KANK1: variants seen among roughly 807,000 people sequenced by gnomAD.
KANK1 encodes the protein KN motif and ankyrin repeat domains 1, also known as KN motif and ankyrin repeat domain-containing protein 1.
A neutral mutation model predicts 106.2 loss-of-function variants in KANK1; 109 were observed. The ratio of observed to expected loss-of-function variants is 1.03; its 90% CI spans 0.88 to 1.20. The LOEUF (loss-of-function observed/expected upper bound fraction) is 1.20. Ranked by LOEUF, KANK1 falls within the 50% of genes most tolerant of loss-of-function variation. The pLI, the probability that KANK1 is intolerant of heterozygous loss-of-function variation, is 0.00. For synonymous variants in KANK1, 873 were observed against 652.2 expected (o/e 1.34, Z -5.16); for missense variants, 2,399 against 1,710.7 (o/e 1.40, Z -7.10).
chr9:540,184 C>A (rs929368769), intron 1 of KANK1, among the ~76,000 whole-genome samples: 2 of 152,148 alleles, frequency 1.3e-5, no homozygotes, highest in Admixed American at 1.3e-4. Context: ...CGTATGTGGC[C>A]TTTATTATGT....
At chr9:701,096 T>C (rs1402992517) in intron 2 of KANK1, among the ~76,000 whole-genome samples, 4 of 152,082 alleles carry the variant, frequency 2.6e-5, no homozygotes, top group Non-Finnish European at 5.9e-5. Flanking sequence ...TTGGCCCCAA[T>C]AGGAAATGAA....
intron 1 of KANK1, among the ~76,000 whole-genome samples, chr9:644,709 C>T (rs775307286): frequency 1.3e-5 from 2 of 150,954 alleles, no homozygotes; most frequent in African/African-American, 2.5e-5. Flanking sequence ...CTTCAACACT[C>T]GGGATTACTG....
chr9:475,025 G>A (rs1394870966), intron 3 of KANK1, among the ~76,000 whole-genome samples: 4 of 152,100 alleles, frequency 2.6e-5, no homozygotes, highest in South Asian at 2.1e-4. Context: ...TTGTTACACC[G>A]TCTCTCTCAA....
intron 2 of KANK1, among the ~76,000 whole-genome samples, chr9:702,197 T>C (rs910600554): frequency 6.8e-6 from 1 of 147,426 alleles, no homozygotes; most frequent in African/African-American, 2.5e-5. Flanking sequence ...GGAAATGGAC[T>C]CTGTGACCCT....
intron 1 of KANK1, among the ~76,000 whole-genome samples, chr9:654,755 G>GT (rs1841720020): frequency 6.6e-6 from 1 of 151,990 alleles, no homozygotes; most frequent in African/African-American, 2.4e-5. Flanking sequence ...ATTTCCTCAA[G>GT]TTTTACTGAG....
chr9:558,809 C>T (rs151023980), intron 1 of KANK1: 1 of 152,112 alleles, frequency 6.6e-6, no homozygotes, highest in East Asian at 1.9e-4. Context: ...TGTGGAGTGA[C>T]TCAAATATTT....
intron 1 of KANK1, among the ~76,000 whole-genome samples, chr9:506,447 G>A (rs2058758281): frequency 6.6e-6 from 1 of 152,158 alleles, no homozygotes; most frequent in South Asian, 2.1e-4. Context: ...TTAGGGCACA[G>A]GGATGCTTTC....
chr9:660,855 G>A (rs146855218), intron 1 of KANK1, among the ~76,000 whole-genome samples: 15 of 152,330 alleles, frequency 9.8e-5, no homozygotes, highest in African/African-American at 3.4e-4. Context: ...CAATAGCGAG[G>A]TGATAGGACA....
Position 651,997 on chromosome 9 carries a change from G to T in KANK1, c.-83-24893G>T, listed in dbSNP as rs796887563. ...TGTTCAAAGCAATAAATTTAGGAAT[G>T]GAATCTAGTTTCATTAGCCCTGCTA... On this transcript the variant is annotated intron_variant, in intron 1 of 11. Coordinates refer to ENST00000382297, the MANE Select transcript of KANK1 (RefSeq NM_015158.5). 4.6e-5 allele frequency among the ~76,000 whole-genome samples: 7 copies of T among 152,242 alleles called. 1 individual carries two copies. Among genetic ancestry groups the T allele is most frequent in the African/African-American group, 1.7e-4 (7 of 41,542 alleles).
At chr9:520,771 G>C (rs1314686605) in intron 1 of KANK1, among the ~76,000 whole-genome samples, 2 of 151,702 alleles carry the variant, frequency 1.3e-5, no homozygotes, top group African/African-American at 4.9e-5. Context: ...TTATGAATTG[G>C]AGAGCTGTAC....
At chr9:647,707 G>C (rs1839989719) in intron 1 of KANK1, among the ~76,000 whole-genome samples, 1 of 150,764 alleles carries the variant, frequency 6.6e-6, no homozygotes, top group Non-Finnish European at 1.5e-5. Context: ...GATGTCCTGA[G>C]CTATTTTTTA....
At chr9:738,947 G>A (rs1282344058) in intron 8 of KANK1, among the ~76,000 whole-genome samples, 1 of 152,224 alleles carries the variant, frequency 6.6e-6, no homozygotes, top group Non-Finnish European at 1.5e-5. Flanking sequence ...TTGCAGAAGT[G>A]TGTGGTTAGT....
chr9:668,648 C>T (rs976873388), intron 1 of KANK1, among the ~76,000 whole-genome samples: 21 of 151,954 alleles, frequency 1.4e-4, no homozygotes, highest in Non-Finnish European at 4.4e-5. Flanking sequence ...TAGGTTTTTA[C>T]ATTGTGGTTA....
At position 738,295 on chromosome 9, in the gene KANK1, T is replaced by G; in HGVS notation, c.3344T>G (p.Leu1115Arg). 6.2e-7 allele frequency: 1 copy of G among 1,612,482 alleles called. No homozygotes were observed. Among genetic ancestry groups the G allele is most frequent in the Non-Finnish European group, 8.5e-7 (1 of 1,179,304 alleles). Residue 1115 changes from leucine to arginine, a missense_variant, in exon 8 of 12, where the codon CTG becomes CGG. By Grantham distance (102) the Leu-to-Arg change is moderately radical. Transcript: ENST00000382297. ...TTGGTGTTTTGGCAGAGGTTCTGTC[T>G]GAACACCCTCCAGCACGAGTGGTTC... ...ALTSKDMRFC[L>R]NTLQHEWFRV...
chr9:555,935 G>A lies in KANK1; in HGVS notation c.-84+51181G>A, dbSNP rs538162109. 2.6e-5 allele frequency among the ~76,000 whole-genome samples: 4 copies of A among 152,250 alleles called. No homozygotes were observed. In the South Asian group the frequency reaches 8.3e-4, roughly 32 times the overall value. ...TGTTATAATAACATCATTAACTTGT[G>A]TAGACAAACATCAGTGCTCACATTT... On this transcript the variant is annotated intron_variant, in intron 1 of 11. Coordinates refer to ENST00000382297, the MANE Select transcript of KANK1 (RefSeq NM_015158.5).
At chr9:613,976 T>C (rs570085847) in intron 1 of KANK1, among the ~76,000 whole-genome samples, 2 of 152,192 alleles carry the variant, frequency 1.3e-5, no homozygotes, top group African/African-American at 2.4e-5. Context: ...CCTCCCCTCT[T>C]ATTTGAGGCC....
At chr9:607,912 A>G (rs1008779521) in intron 1 of KANK1, among the ~76,000 whole-genome samples, 1 of 151,120 alleles carries the variant, frequency 6.6e-6, no homozygotes, top group Non-Finnish European at 1.5e-5. Context: ...GTTGTATTGT[A>G]ATGTTCATTT....
At chr9:735,865 C>T (rs567645596) in intron 7 of KANK1, 8 of 290,016 alleles carry the variant, frequency 2.8e-5, no homozygotes, top group Admixed American at 9.7e-5. Context: ...CATGGTGGTA[C>T]ACCCGTGTAA....
intron 8 of KANK1, 31 bp downstream of exon 8, chr9:738,535 T>G: frequency 6.5e-7 from 1 of 1,549,274 alleles, no homozygotes; most frequent in Non-Finnish European, 8.9e-7. Context: ...CCCTCTCTTC[T>G]CTAACAGTAC....
Sources: gnomAD v4.1 joint callset for allele counts (sites outside exome capture counted in the v4.1 genomes callset) on GRCh38, gnomAD v4.1.1 for gene constraint, MANE v1.5 for transcripts, NCBI Gene and HGNC (gene_info 2026-07-23, HGNC 2026-07-21) for gene names.